TUSC3: variants seen among roughly 807,000 people sequenced by gnomAD.
TUSC3 encodes the protein tumor suppressor candidate 3.
A neutral mutation model predicts 44.8 loss-of-function variants in TUSC3; 45 were observed. The ratio of observed to expected loss-of-function variants is 1.00; its 90% CI spans 0.79 to 1.29. The LOEUF (loss-of-function observed/expected upper bound fraction) is 1.29. TUSC3 is among the 50% of genes most tolerant of loss of function. The pLI is 0.00. For missense variants in TUSC3, 519 were observed against 437.9 expected (o/e 1.19, Z -1.65); for synonymous variants, 212 against 152.9 (o/e 1.39, Z -2.85).
At chr8:15,473,119 G>A (rs77148673) in intron 1 of TUSC3, among the ~76,000 whole-genome samples, 1 of 152,106 alleles carries the variant, frequency 6.6e-6, no homozygotes, top group Admixed American at 6.6e-5. Flanking sequence ...CCCCAAATAA[G>A]TGCTAATATA....
chr8:15,839,518 C>T, the TUSC3 span, among the ~76,000 whole-genome samples: 2 of 144,270 alleles, frequency 1.4e-5, no homozygotes, highest in Admixed American at 6.9e-5. Flanking sequence ...AGAACTCAAA[C>T]AAATTTACAA....
intron 2 of TUSC3, among the ~76,000 whole-genome samples, chr8:15,486,406 G>C (rs894128762): frequency 6.6e-6 from 1 of 152,046 alleles, no homozygotes; most frequent in Non-Finnish European, 1.5e-5. Flanking sequence ...ATTTTGGTTT[G>C]ATCATTCTAT....
chr8:15,501,120 C>A (rs17121538), intron 2 of TUSC3, among the ~76,000 whole-genome samples: 1 of 152,146 alleles, frequency 6.6e-6, no homozygotes, highest in East Asian at 1.9e-4. Context: ...CATCTCCTTA[C>A]ATCACTTTTG....
chr8:15,497,589 T>C (rs1231945640), intron 2 of TUSC3, among the ~76,000 whole-genome samples: 3 of 152,062 alleles, frequency 2.0e-5, no homozygotes, highest in Non-Finnish European at 2.9e-5. Context: ...CTGGAGGGAA[T>C]GAGAGGAGAG....
chr8:15,528,757 T>G (rs1175010924), intron 2 of TUSC3, among the ~76,000 whole-genome samples: 2 of 152,214 alleles, frequency 1.3e-5, no homozygotes, highest in Non-Finnish European at 2.9e-5. Context: ...TTGCCTGAAT[T>G]AAATAGCTTC....
chr8:15,730,356 C>A (rs1252389543), intron 6 of TUSC3, among the ~76,000 whole-genome samples: 1 of 151,978 alleles, frequency 6.6e-6, no homozygotes, highest in African/African-American at 2.4e-5. Flanking sequence ...ATATTTTGTA[C>A]TTTTGCAATA....
At chr8:15,535,673 G>A (rs1801512779), upstream of TUSC3, among the ~76,000 whole-genome samples, 1 of 152,176 alleles carries the variant, frequency 6.6e-6, no homozygotes, top group Non-Finnish European at 1.5e-5. Flanking sequence ...CTGTCCCATG[G>A]AGTTTGCATC....
At chr8:15,678,207 G>A (rs7818067) in intron 6 of TUSC3, among the ~76,000 whole-genome samples, 33,494 of 152,052 alleles carry the variant, frequency 0.22, 4,393 homozygotes, top group Non-Finnish European at 0.3. Context: ...GCTGAGTGCT[G>A]TTCTCTTGGC....
intron 1 of TUSC3, among the ~76,000 whole-genome samples, chr8:15,438,972 A>G (rs1420763134): frequency 6.6e-6 from 1 of 152,142 alleles, no homozygotes; most frequent in East Asian, 1.9e-4. Flanking sequence ...GCAGTAGCCA[A>G]TTGCTGTTAC....
At chr8:15,843,665 A>T in the TUSC3 span, among the ~76,000 whole-genome samples, 3 of 149,938 alleles carry the variant, frequency 2.0e-5, no homozygotes, top group Non-Finnish European at 4.4e-5. Context: ...CATGATGTTT[A>T]TAATTATCTA....
chr8:15,623,939 T>C (rs1805370750), intron 2 of TUSC3, among the ~76,000 whole-genome samples: 1 of 152,264 alleles, frequency 6.6e-6, no homozygotes, highest in East Asian at 1.9e-4. Context: ...TCTTGCCCTT[T>C]AAAGTCACCC....
chr8:15,600,183 A>T (rs1804226939), intron 1 of TUSC3, among the ~76,000 whole-genome samples: 1 of 151,786 alleles, frequency 6.6e-6, no homozygotes, highest in African/African-American at 2.4e-5. Flanking sequence ...ATAAAATTCT[A>T]ATTCATTTTC....
chr8:15,705,501 T>C (rs1809579800), intron 6 of TUSC3, among the ~76,000 whole-genome samples: 1 of 152,092 alleles, frequency 6.6e-6, no homozygotes, highest in Non-Finnish European at 1.5e-5. Context: ...CTGAATAAAA[T>C]ATTTTCTTGT....
rs1807676338 is a variant in TUSC3, at chr8:15,666,686, A to C, written c.708+4390A>C. 2.0e-5 allele frequency among the ~76,000 whole-genome samples: 3 copies of C among 151,306 alleles called. No homozygotes were observed. In the East Asian group the frequency reaches 5.8e-4, roughly 29 times the overall value. The stretch of plus-strand genomic sequence containing the variant: ...CTTTTAGTATATACATATAATCTTT[A>C]TTTTTTTCTCTTTAAAAATGAGAAG... On this transcript the variant is annotated intron_variant, in intron 5 of 10. Transcript: ENST00000503731.
intron 6 of TUSC3, among the ~76,000 whole-genome samples, chr8:15,718,303 T>A (rs1810141758): frequency 6.6e-6 from 1 of 152,128 alleles, no homozygotes; most frequent in Non-Finnish European, 1.5e-5. Context: ...GTTGGCTTTG[T>A]GATGGATTGT....
chr8:15,499,827 G>C (rs559872910), intron 2 of TUSC3, among the ~76,000 whole-genome samples: 1 of 152,036 alleles, frequency 6.6e-6, no homozygotes, highest in Non-Finnish European at 1.5e-5. Flanking sequence ...TAGATTCTAA[G>C]ACTTCTCAGC....
rs959742949 is a variant in TUSC3, at chr8:15,747,156, T to C, written c.938-1219T>C. Among the ~76,000 whole-genome samples, 5 of 152,192 alleles carry C rather than the reference T, an allele frequency of 3.3e-5. No individual in the cohort carries two copies. The East Asian group carries it at 7.7e-4, about 24-fold the overall frequency. ...CATATTTTGACAAAGCCGTACCTTA[T>C]GTACTCCATGATTGCCAGAATTGCA... On this transcript the variant is annotated intron_variant, in intron 8 of 10. Coordinates refer to ENST00000503731, the MANE Select transcript of TUSC3 (RefSeq NM_006765.4).
intron 9 of TUSC3, among the ~76,000 whole-genome samples, chr8:15,751,179 A>G (rs1337368860): frequency 6.6e-6 from 1 of 152,176 alleles, no homozygotes; most frequent in Non-Finnish European, 1.5e-5. Flanking sequence ...CAACTAGCCA[A>G]AAGGCAATCA....
intron 1 of TUSC3, among the ~76,000 whole-genome samples, chr8:15,579,103 T>G (rs571305334): frequency 0.015 from 2,357 of 152,186 alleles, 28 homozygotes; most frequent in Non-Finnish European, 0.025. Context: ...TTTATTTGCG[T>G]AGAGGTGTTT....
Sources: gnomAD v4.1 joint callset for allele counts (sites outside exome capture counted in the v4.1 genomes callset) on GRCh38, gnomAD v4.1.1 for gene constraint, MANE v1.5 for transcripts, NCBI Gene and HGNC (gene_info 2026-07-23, HGNC 2026-07-21) for gene names.